The following STKLD1 variants were observed in gnomAD, a reference collection of about 807,000 sequenced individuals.
STKLD1 encodes the protein serine/threonine kinase like domain containing 1.
In STKLD1, 79 loss-of-function variants were observed where a neutral mutation model predicts 80.4. The observed-to-expected ratio is 0.98, with a 90% CI of 0.82 to 1.19. The LOEUF (loss-of-function observed/expected upper bound fraction) is 1.19, where lower values mean the gene tolerates loss of function less well. STKLD1 is among the 50% of genes most tolerant of loss of function. The pLI is 0.00. For missense variants in STKLD1, 841 were observed against 856.0 expected, an observed-to-expected ratio of 0.98 and a Z score of 0.22; for synonymous variants, 393 against 357.6, an observed-to-expected ratio of 1.10 and a Z score of -1.12.
In STKLD1 at chr9:133,393,657, GTGGA is replaced by G. The variant is rs72031144; in HGVS notation, c.584-618_584-615del. The stretch of plus-strand genomic sequence containing the variant: ...GGTGGGTGAGTGGATGGGTGGGTGG[GTGGA>G]TGGATGGATGGATGGGGTGTGCGTG... On this transcript the variant is annotated intron_variant, in intron 7 of 17. Coordinates refer to ENST00000371957, the MANE Select transcript of STKLD1 (RefSeq NM_153710.5). 7.7e-4 allele frequency among the ~76,000 whole-genome samples: 112 copies of G among 145,028 alleles called. 2 individuals carry two copies. In the South Asian group the frequency reaches 0.011, roughly 14 times the overall value.
In STKLD1 at chr9:133,376,375, G is replaced by T; in HGVS notation, c.-99G>T. The stretch of plus-strand genomic sequence containing the variant: ...CGCGGGAGGGACGCCTGAGTGCCTC[G>T]AGGGCGCCGTTCGGGCGGGGAGGAT... On this transcript the variant is annotated 5_prime_UTR_variant, in exon 1 of 18. Transcript: ENST00000371957. 1 of 1,411,762 alleles carries T rather than the reference G, an allele frequency of 7.1e-7. No individual in the cohort carries two copies. The highest frequency in any genetic ancestry group is 1.4e-5 in the South Asian group (1 of 70,338). 87.5% of individuals were successfully genotyped at this position (1,411,762 alleles called of 1,614,324 possible).
At chr9:133,404,213 C>G (rs782790076) in intron 16 of STKLD1, among the ~76,000 whole-genome samples, 165 bp downstream of exon 16, 1 of 152,232 alleles carries the variant, frequency 6.6e-6, no homozygotes, top group Admixed American at 6.5e-5. Context: ...AAATCACCAT[C>G]AAGACTTTCA....
chr9:133,392,610 G>A (rs1329566721), intron 7 of STKLD1, among the ~76,000 whole-genome samples: 2 of 118,098 alleles, frequency 1.7e-5, no homozygotes, highest in Non-Finnish European at 3.7e-5. Flanking sequence ...TGGGTGGATG[G>A]ATGGATGGAT....
rs2130287700 is a variant in STKLD1, at chr9:133,390,846, C to T, written c.583+50C>T. 8 of 1,498,554 alleles carry T rather than the reference C, an allele frequency of 5.3e-6. No homozygotes were observed. Among genetic ancestry groups the T allele is most frequent in the Non-Finnish European group, 7.4e-6 (8 of 1,076,268 alleles). The allele number at this position is 1,498,554 out of a possible 1,614,324, so 92.8% of individuals were successfully genotyped here. A position where few individuals can be genotyped will look rare whatever the true frequency, so the allele number is the denominator to read the frequency against. On this transcript the variant is annotated intron_variant, in intron 7 of 17. Transcript: ENST00000371957. The surrounding 1 kb of genome is among the most constrained non-coding windows in gnomAD (Gnocchi z 5.1). ...GGGAGAGGGGGTTGGCGCCTAGAAT[C>T]CAGGCGGCGTTGGCCACTCTGGGTG...
intron 2 of STKLD1, among the ~76,000 whole-genome samples, chr9:133,383,332 ATGG>A (rs1564375895): frequency 5.5e-3 from 10 of 1,822 alleles, no homozygotes; most frequent in Admixed American, 0.015. Context: ...GATGGTGGTG[ATGG>A]TGATGGTGAT....
chr9:133,402,973 G>C lies in STKLD1; in HGVS notation c.1435G>C (p.Ala479Pro). The C allele has an allele frequency of 6.3e-7, 1 of 1,578,552 alleles. No individual in the cohort carries two copies. The highest frequency in any genetic ancestry group is 8.6e-7 in the Non-Finnish European group (1 of 1,162,416). Reference protein sequence around the residue: ...NSSLESRDVCASGLGLLWALL... With the variant: ...NSSLESRDVCPSGLGLLWALL... ...CTCCCTCGAAAGCAGGGACGTCTGC[G>C]CCAGCGGCCTGGGCCTGCTCTGGGC... Residue 479 changes from alanine (A) to proline (P), a missense_variant, in exon 14 of 18, where the codon GCC becomes CCC. Coordinates refer to ENST00000371957, the MANE Select transcript of STKLD1 (RefSeq NM_153710.5).
In STKLD1 at chr9:133,388,821, A is replaced by C. The variant is rs1207315868; in HGVS notation, c.397-705A>C. Reference sequence around the variant, plus strand: ...GTACCCCTGAGGGGCTCTTCGGGGCACACAGCTCTTCTCTTACCATGGGCC... The same window carrying C: ...GTACCCCTGAGGGGCTCTTCGGGGCCCACAGCTCTTCTCTTACCATGGGCC... On this transcript the variant is annotated intron_variant, in intron 5 of 17. Transcript: ENST00000371957. 4.1e-6 allele frequency: 4 copies of C among 985,412 alleles called. No homozygotes were observed. The African/African-American group carries it at 7.0e-5, about 17-fold the overall frequency. The allele number at this position is 985,412 out of a possible 1,614,324, so 61.0% of individuals were successfully genotyped here. A position where few individuals can be genotyped will look rare whatever the true frequency, so the allele number is the denominator to read the frequency against.
chr9:133,398,717 T>G (rs1838622123), intron 11 of STKLD1, among the ~76,000 whole-genome samples: 1 of 152,218 alleles, frequency 6.6e-6, no homozygotes, highest in South Asian at 2.1e-4. Flanking sequence ...GAATTGAGGC[T>G]ATAGTGAGCT....
chr9:133,403,083 G>T, intron 14 of STKLD1, 71 bp downstream of exon 14: 1 of 1,459,376 alleles, frequency 6.9e-7, no homozygotes, highest in South Asian at 1.3e-5. Context: ...AACTGCCCCT[G>T]AGAGCCTTCG....
intron 10 of STKLD1, 50 bp from the exon 11 acceptor site, chr9:133,397,922 G>A (rs994680225): frequency 6.6e-6 from 10 of 1,520,290 alleles, no homozygotes; most frequent in South Asian, 1.2e-5. Context: ...ACAGAGCCCC[G>A]AGGCCCTGGT....
chr9:133,389,301 T>C lies in STKLD1; in HGVS notation c.397-225T>C. 1.0e-6 allele frequency: 1 copy of C among 985,268 alleles called. No individual in the cohort carries two copies. The highest frequency in any genetic ancestry group is 1.7e-5 in the African/African-American group (1 of 57,294). 61.0% of individuals were successfully genotyped at this position (985,268 alleles called of 1,614,324 possible). A position where few individuals can be genotyped will look rare whatever the true frequency, so the allele number is the denominator to read the frequency against. The stretch of plus-strand genomic sequence containing the variant: ...GGTCTCTGGTATGGAGACAGCAGTG[T>C]GGAGTCTGGAAACTCAGAGTCCTTC... On this transcript the variant is annotated intron_variant, in intron 5 of 17. Coordinates refer to ENST00000371957, the MANE Select transcript of STKLD1 (RefSeq NM_153710.5). The surrounding 1 kb of genome is among the most constrained non-coding windows in gnomAD (Gnocchi z 6.4).
In STKLD1 at chr9:133,384,268, G is replaced by A. The variant is rs1023168948; in HGVS notation, c.219+368G>A. On this transcript the variant is annotated intron_variant, in intron 3 of 17. Transcript: ENST00000371957. This position sits in a 1 kb window ranked among gnomAD's most constrained non-coding sequence, Gnocchi z 4.3. The stretch of plus-strand genomic sequence containing the variant: ...AGCCTAGCCAACATGGGGAAACCCT[G>A]TCTCAACCAAAAATACAAAAAAATT... The A allele has an allele frequency of 5.4e-6, 1 of 186,080 alleles. No individual in the cohort carries two copies. The highest frequency in any genetic ancestry group is 2.3e-5 in the African/African-American group (1 of 42,564). The allele number at this position is 186,080 out of a possible 1,614,324, so 11.5% of individuals were successfully genotyped here.
chr9:133,398,457 C>A (rs7040821), intron 11 of STKLD1, among the ~76,000 whole-genome samples: 17,924 of 152,174 alleles, frequency 0.12, 1,395 homozygotes, highest in African/African-American at 0.22. Context: ...AATACTTTAA[C>A]TTTTCACAGA....
intron 10 of STKLD1, 133 bp downstream of exon 10, chr9:133,397,427 G>C: frequency 8.2e-7 from 1 of 1,223,136 alleles, no homozygotes; most frequent in Non-Finnish European, 1.1e-6. Context: ...CAGTGGGTAG[G>C]AACAGTTTCC....
rs782094032 is a variant in STKLD1 at position 133,405,380 on chromosome 9, AG to A, written c.2003del (p.Ser668ThrfsTer53). On this transcript the variant is annotated frameshift_variant, in exon 18 of 18. Transcript: ENST00000371957. LOFTEE classifies it low-confidence loss of function (END_TRUNC). ...FSKPGLPPGG[S>X]PQLGCTTSGG... is the part of the protein sequence containing the mutation. Reference sequence around the variant, plus strand: ...CAAACCAGGCCTCCCTCCAGGTGGAAGCCCCCAGCTGGGGTGCACCACGTCT... The same window carrying A: ...CAAACCAGGCCTCCCTCCAGGTGGAACCCCCAGCTGGGGTGCACCACGTCT... 2.0e-5 allele frequency: 32 copies of A among 1,611,822 alleles called. No homozygotes were observed. Among genetic ancestry groups the A allele is most frequent in the African/African-American group, 2.7e-5 (2 of 74,894 alleles).
At chr9:133,401,143 C>CCTTTTTTTT (rs1390295887) in intron 12 of STKLD1, among the ~76,000 whole-genome samples, 1 of 138,004 alleles carries the variant, frequency 7.2e-6, no homozygotes, top group African/African-American at 2.7e-5. Flanking sequence ...TATTTAGTTA[C>CCTTTTTTTT]TTTTTTTTTT....
intron 10 of STKLD1, 62 bp from the exon 11 acceptor site, chr9:133,397,910 A>C (rs1423322945): frequency 2.0e-5 from 28 of 1,428,282 alleles, no homozygotes; most frequent in Middle Eastern, 1.8e-4. Context: ...TGGTGCCGAG[A>C]AACAGAGCCC....
intron 14 of STKLD1, 53 bp downstream of exon 14, chr9:133,403,065 C>T (rs1467123074): frequency 3.3e-6 from 5 of 1,515,432 alleles, no homozygotes; most frequent in Non-Finnish European, 4.4e-6. Context: ...CTCCCCCAGC[C>T]CCTCCCTAAC....
At chr9:133,387,616 G>C in intron 5 of STKLD1, 68 bp downstream of exon 5, 1 of 1,279,272 alleles carries the variant, frequency 7.8e-7, no homozygotes, top group Middle Eastern at 1.9e-4. Flanking sequence ...GCGGTGCAGG[G>C]CAAAGTAACA....
Sources: allele counts gnomAD v4.1 joint callset (sites outside exome capture counted in the v4.1 genomes callset), GRCh38; gene constraint gnomAD v4.1.1; non-coding constraint Gnocchi (gnomAD v3.1); transcripts MANE v1.5; gene names NCBI Gene and HGNC (gene_info 2026-07-23, HGNC 2026-07-21).